The following MACF1 variants were observed in gnomAD, a reference collection of about 807,000 sequenced individuals.
MACF1 encodes microtubule actin crosslinking factor 1.
In MACF1, 193 loss-of-function variants were observed where a neutral mutation model predicts 854.8. The ratio of observed to expected loss-of-function variants is 0.23; its 90% CI spans 0.20 to 0.25. The LOEUF (loss-of-function observed/expected upper bound fraction) is 0.25. MACF1 is among the 10% of genes least tolerant of loss of function. The pLI is 1.00. For synonymous variants in MACF1, 3,185 were observed against 3,226.7 expected, an observed-to-expected ratio of 0.99 and a Z score of 0.44; for missense variants, 7,722 against 8,929.1, an observed-to-expected ratio of 0.86 and a Z score of 5.45.
intron 97 of MACF1, among the ~76,000 whole-genome samples, chr1:39,477,739 C>CTCTACT (rs1205614385): frequency 6.6e-6 from 1 of 151,986 alleles, no homozygotes; most frequent in African/African-American, 2.4e-5. Context: ...CTAGGTCCAC[C>CTCTACT]TCTACTGCCA....
In MACF1 at chr1:39,331,257, A is replaced by T. The variant is rs969676555; in HGVS notation, c.4669A>T (p.Ile1557Phe). 10 of 1,600,090 alleles carry T rather than the reference A, an allele frequency of 6.2e-6. No individual in the cohort carries two copies. Among genetic ancestry groups the T allele is most frequent in the Non-Finnish European group, 8.5e-6 (10 of 1,178,350 alleles). The stretch of plus-strand genomic sequence containing the variant: ...CCTAGGCACAGTGGAGATATTTCCC[A>T]TCTTCAAAGCCATGCAAAAGGGCCT... ...IDLGTVEIFP[I>F]FKAMQKGLLD... is the part of the protein sequence containing the mutation. The change falls in exon 37 of 101, where the codon ATC becomes TTC. Residue 1557 changes from isoleucine (I) to phenylalanine (F), a missense_variant. This residue lies in a region of MACF1 where 1,531 missense variants were observed against 1,601.6 expected (regional missense o/e 0.96). Transcript: ENST00000564288.
chr1:39,141,600 G>C (rs1643347383), intron 2 of MACF1, among the ~76,000 whole-genome samples: 2 of 152,218 alleles, frequency 1.3e-5, no homozygotes, highest in South Asian at 2.1e-4. Flanking sequence ...CATGTAAAGT[G>C]CTTAAAATGG....
intron 2 of MACF1, among the ~76,000 whole-genome samples, chr1:39,100,915 CGTGT>C (rs146599271): frequency 2.0e-5 from 3 of 151,236 alleles, no homozygotes; most frequent in African/African-American, 7.3e-5. Context: ...TGCACGCGCG[CGTGT>C]GTGTGTGTGT....
chr1:39,436,528 A>C, intron 70 of MACF1: 1 of 1,602,212 alleles, frequency 6.2e-7, no homozygotes, highest in South Asian at 1.1e-5. Context: ...GGGTGTTCTT[A>C]TAATGCTGAA....
At chr1:39,344,449 T>A (rs1370473749) in intron 40 of MACF1, among the ~76,000 whole-genome samples, 2 of 149,924 alleles carry the variant, frequency 1.3e-5, no homozygotes, top group African/African-American at 2.5e-5. Flanking sequence ...AAAAAAAAAA[T>A]TCAGAGCAGG....
At chr1:39,219,970 C>T (rs906566379) in intron 1 of MACF1, among the ~76,000 whole-genome samples, 4 of 152,052 alleles carry the variant, frequency 2.6e-5, no homozygotes, top group Non-Finnish European at 4.4e-5. Context: ...AGGCTAGTCT[C>T]GAACTCCTGA....
chr1:39,283,228 T>C lies in MACF1; in HGVS notation c.735T>C (p.Ser245=). 6.2e-7 allele frequency: 1 copy of C among 1,614,016 alleles called. No homozygotes were observed. The highest frequency in any genetic ancestry group is 8.5e-7 in the Non-Finnish European group (1 of 1,179,950). The change falls in exon 8 of 101, where the codon AGT becomes AGC. Residue 245 remains serine, a synonymous_variant. Coordinates refer to ENST00000564288, the MANE Select transcript of MACF1 (RefSeq NM_001394062.1). This position sits in a 1 kb window ranked among gnomAD's most constrained non-coding sequence, Gnocchi z 4.5. The part of the protein sequence containing the change: ...LVDMERVQIQ[S]NRENLEQAFE... The stretch of plus-strand genomic sequence containing the variant: ...ACATGGAGAGGGTGCAAATCCAAAG[T>C]AACCGAGAGAATCTGGAACAGGCTT...
At chr1:39,234,829 GGTC>G (rs530846927) in intron 2 of MACF1, among the ~76,000 whole-genome samples, 60 of 37,122 alleles carry the variant, frequency 1.6e-3, no homozygotes, top group East Asian at 4.6e-3. Flanking sequence ...TCCCAGACGG[GGTC>G]GCGGCTGGGC....
chr1:39,151,657 C>G (rs1643582763), intron 2 of MACF1, among the ~76,000 whole-genome samples: 1 of 152,190 alleles, frequency 6.6e-6, no homozygotes, highest in African/African-American at 2.4e-5. Flanking sequence ...GGTCCCAGTT[C>G]AAGCATCATC....
At chr1:39,145,178 A>G (rs1053997269) in intron 2 of MACF1, among the ~76,000 whole-genome samples, 1 of 152,114 alleles carries the variant, frequency 6.6e-6, no homozygotes, top group Non-Finnish European at 1.5e-5. Flanking sequence ...TCTCAATCCT[A>G]TCCTGAAACC....
Position 39,230,604 on chromosome 1 carries a change from GA to G in MACF1, c.110-572del, listed in dbSNP as rs1365132917. On this transcript the variant is annotated intron_variant, in intron 1 of 100. Transcript: ENST00000564288. The stretch of plus-strand genomic sequence containing the variant: ...AGAGGTAAAAAAAAAAAAACCTGGA[GA>G]AAAAAGGAGTTTGCTGCTGTGACAG... Among the ~76,000 whole-genome samples, 4 of 151,742 alleles carry G rather than the reference GA, an allele frequency of 2.6e-5. No homozygotes were observed. The East Asian group carries it at 5.8e-4, about 22-fold the overall frequency.
intron 2 of MACF1, among the ~76,000 whole-genome samples, chr1:39,161,053 C>T (rs1401793896): frequency 6.6e-6 from 1 of 152,124 alleles, no homozygotes. Flanking sequence ...AAGTTCTGAT[C>T]CCCAAATTCC....
rs140057477 is a variant in MACF1, at chr1:39,442,847, G to T, written c.19238G>T (p.Cys6413Phe). The T allele has an allele frequency of 2.5e-6, 4 of 1,614,070 alleles. No homozygotes were observed. Among genetic ancestry groups the T allele is most frequent in the Non-Finnish European group, 3.4e-6 (4 of 1,179,956 alleles). The change falls in exon 78 of 101, where the codon TGC becomes TTC. Residue 6413 changes from cysteine (C) to phenylalanine (F), a missense_variant. Cys to Phe is a radical substitution (Grantham distance 205). Around this residue, in one of 15 missense-constraint regions of MACF1, gnomAD observed 729 missense variants for 900.5 expected, o/e 0.81. Transcript: ENST00000564288. The stretch of plus-strand genomic sequence containing the variant: ...AGCCGTTTGGAAGCCATGAACCAAT[G>T]CTGGGAGTCAGTGTTACAGAAAACA... ...LRSRLEAMNQ[C>F]WESVLQKTEE...
chr1:39,282,360 C>A lies in MACF1; in HGVS notation c.681C>A (p.Leu227=). ...CWSDGKMFNA[L]IHRYRPDLVD... ...GTGATGGGAAGATGTTCAATGCACT[C>A]ATTCACCGATACCGGTAAGAACAGT... The change falls in exon 7 of 101, where the codon CTC becomes CTA. Residue 227 remains leucine, a synonymous_variant. Transcript: ENST00000564288. 6.2e-7 allele frequency: 1 copy of A among 1,613,876 alleles called. No homozygotes were observed.
chr1:39,390,719 A>G (rs546400629), intron 58 of MACF1, among the ~76,000 whole-genome samples: 4 of 152,180 alleles, frequency 2.6e-5, no homozygotes, highest in Non-Finnish European at 4.4e-5. Flanking sequence ...CAGTTATCCA[A>G]TTTACTTGCA....
At chr1:39,282,474 A>G in intron 7 of MACF1, 100 bp downstream of exon 7, 5 of 1,278,942 alleles carry the variant, frequency 3.9e-6, no homozygotes, top group Non-Finnish European at 5.3e-6. Flanking sequence ...CAAAAATCAA[A>G]GCTTTGATTC....
intron 1 of MACF1, among the ~76,000 whole-genome samples, chr1:39,220,265 C>T (rs561538218): frequency 6.6e-6 from 1 of 151,802 alleles, no homozygotes; most frequent in African/African-American, 2.4e-5. Flanking sequence ...CTCTGCCTCC[C>T]AGGTTCAAGC....
rs75272095 is a variant in MACF1 at position 39,320,410 on chromosome 1, A to G, written c.4029+663A>G. Reference sequence around the variant, plus strand: ...CTACACCATAATTTTCTGCATGCCAAAAAGAGGAAAAAAGAAGAAACTCTG... The same window carrying G: ...CTACACCATAATTTTCTGCATGCCAGAAAGAGGAAAAAAGAAGAAACTCTG... On this transcript the variant is annotated intron_variant, in intron 31 of 100. Coordinates refer to ENST00000564288, the MANE Select transcript of MACF1 (RefSeq NM_001394062.1). 8.9e-3 allele frequency among the ~76,000 whole-genome samples: 1,350 copies of G among 152,306 alleles called. 12 individuals are homozygous for G. Among genetic ancestry groups the G allele is most frequent in the Non-Finnish European group, 0.013 (894 of 68,032 alleles).
In MACF1 at chr1:39,410,404, CA is replaced by C. The variant is rs768845616; in HGVS notation, c.15817-11967del. The C allele has an allele frequency of 4.3e-6, 7 of 1,613,868 alleles. No homozygotes were observed. The Admixed American group carries it at 6.7e-5, about 15-fold the overall frequency. ...ATATGATACGATGAGGATAAATGAG[CA>C]AATTGACCAGGGGTCAAAGCTTAAC... On this transcript the variant is annotated intron_variant, in intron 58 of 100. Coordinates refer to ENST00000564288, the MANE Select transcript of MACF1 (RefSeq NM_001394062.1).
Sources: allele counts gnomAD v4.1 joint callset (sites outside exome capture counted in the v4.1 genomes callset), GRCh38; gene constraint gnomAD v4.1.1; regional missense constraint gnomAD v4.1.1; non-coding constraint Gnocchi (gnomAD v3.1); transcripts MANE v1.5; gene names NCBI Gene and HGNC (gene_info 2026-07-23, HGNC 2026-07-21).